RBPJ: variants seen among roughly 807,000 people sequenced by gnomAD.
RBPJ encodes the protein recombination signal binding protein for immunoglobulin kappa J region.
In RBPJ, 9 loss-of-function variants were observed where a neutral mutation model predicts 67.8. The ratio of observed to expected loss-of-function variants is 0.13; its 90% confidence interval spans 0.08 to 0.23. RBPJ has a LOEUF of 0.23. RBPJ is among the 10% of genes least tolerant of loss of function. The probability of loss-of-function intolerance (pLI) is 1.00; values close to 1 mark genes in which losing one functional copy is unlikely to be tolerated. For synonymous variants in RBPJ, 198 were observed against 203.3 expected (o/e 0.97, Z 0.22); for missense variants, 305 against 595.6 (o/e 0.51, Z 5.08).
chr4:26,390,469 T>A (rs1183531859), intron 2 of RBPJ, among the ~76,000 whole-genome samples: 3 of 152,222 alleles, frequency 2.0e-5, no homozygotes, highest in African/African-American at 7.2e-5. Flanking sequence ...TATTTGCAGA[T>A]ATCATGATCA....
intron 1 of RBPJ, among the ~76,000 whole-genome samples, chr4:26,244,093 C>G (rs1223762654): frequency 6.7e-6 from 1 of 148,268 alleles, no homozygotes; most frequent in Non-Finnish European, 1.5e-5. Flanking sequence ...GAGTGAGACC[C>G]TGTCTCAAAA....
intron 1 of RBPJ, among the ~76,000 whole-genome samples, chr4:26,228,170 G>T (rs954009249): frequency 6.6e-6 from 1 of 152,194 alleles, no homozygotes; most frequent in African/African-American, 2.4e-5. Flanking sequence ...TGCCACAGGG[G>T]TTTATTTGTT....
chr4:26,387,567 T>G (rs1033687594), intron 2 of RBPJ, among the ~76,000 whole-genome samples: 2 of 152,134 alleles, frequency 1.3e-5, no homozygotes, highest in Non-Finnish European at 2.9e-5. Context: ...GAAGGATAAG[T>G]GATTCCTGAG....
At chr4:26,270,407 A>AAGAAAGAAAGAAAGAAAGAAAGAAAG (rs1560237854) in intron 1 of RBPJ, among the ~76,000 whole-genome samples, 3 of 62,182 alleles carry the variant, frequency 4.8e-5, no homozygotes, top group African/African-American at 1.3e-4. Context: ...GAAAGAAAGA[A>AAGAAAGAAAGAAAGAAAGAAAGAAAG]AGAAAGAAAG....
the RBPJ span, among the ~76,000 whole-genome samples, chr4:26,114,287 C>T: frequency 7.2e-5 from 11 of 151,892 alleles, no homozygotes; most frequent in Non-Finnish European, 1.0e-4. Context: ...GGCGAAACCC[C>T]GTTTCTACTA....
chr4:26,215,795 C>T (rs1419888846), intron 1 of RBPJ, among the ~76,000 whole-genome samples: 2 of 152,082 alleles, frequency 1.3e-5, no homozygotes, highest in African/African-American at 4.8e-5. Context: ...GTTCATCTCC[C>T]CACTCCCGCC....
chr4:26,261,853 AG>A (rs1720550141), intron 1 of RBPJ, among the ~76,000 whole-genome samples: 1 of 152,266 alleles, frequency 6.6e-6, no homozygotes, highest in Non-Finnish European at 1.5e-5. Context: ...ATCATAAAAA[AG>A]GTTCTCAGCC....
intron 1 of RBPJ, among the ~76,000 whole-genome samples, chr4:26,169,058 T>C (rs1716442514): frequency 6.6e-6 from 1 of 152,264 alleles, no homozygotes; most frequent in Non-Finnish European, 1.5e-5. Context: ...TCTGAAGCTT[T>C]CTTCTCTCAA....
rs185005559 is a variant in RBPJ, at chr4:26,351,375, G to T, written c.20+30327G>T. Among the ~76,000 whole-genome samples, 26 of 151,710 alleles carry T rather than the reference G, an allele frequency of 1.7e-4. 1 individual carries two copies. Among genetic ancestry groups the T allele is most frequent in the African/African-American group, 5.8e-4 (24 of 41,036 alleles). On this transcript the variant is annotated intron_variant, in intron 1 of 10. Transcript: ENST00000355476. ...TTAGGTCTCCAGGCATCACTTGAGA[G>T]AATTTTTCTGAGAATGCTTTGTTTA...
At chr4:26,254,159 G>C (rs745898646) in intron 1 of RBPJ, among the ~76,000 whole-genome samples, 6 of 148,922 alleles carry the variant, frequency 4.0e-5, no homozygotes, top group Non-Finnish European at 8.8e-5. Context: ...TAGCATCCCA[G>C]CTGGTCTCCT....
intron 1 of RBPJ, among the ~76,000 whole-genome samples, chr4:26,382,976 C>T (rs1315090389): frequency 6.6e-6 from 1 of 152,164 alleles, no homozygotes; most frequent in African/African-American, 2.4e-5. Flanking sequence ...ATTGCATATG[C>T]ATTAGAAAGA....
chr4:26,365,703 G>C (rs1425411418), intron 1 of RBPJ, among the ~76,000 whole-genome samples: 1 of 152,158 alleles, frequency 6.6e-6, no homozygotes, highest in African/African-American at 2.4e-5. Context: ...TGCCTTCTGA[G>C]AGGAAGTGAC....
intron 1 of RBPJ, among the ~76,000 whole-genome samples, chr4:26,241,605 G>A (rs545052962): frequency 2.5e-4 from 38 of 151,928 alleles, no homozygotes; most frequent in African/African-American, 8.7e-4. Flanking sequence ...TCTGCCTCCC[G>A]GGTTCATGCC....
At chr4:26,155,866 AT>A in the RBPJ span, among the ~76,000 whole-genome samples, 1 of 152,080 alleles carries the variant, frequency 6.6e-6, no homozygotes, top group African/African-American at 2.4e-5. Flanking sequence ...GCAGTTTGAA[AT>A]TTTCTCTCCA....
upstream of RBPJ, among the ~76,000 whole-genome samples, chr4:26,319,479 C>A (rs1419262012): frequency 6.6e-6 from 1 of 151,214 alleles, no homozygotes; most frequent in Non-Finnish European, 1.5e-5. Flanking sequence ...CCACCCCGCC[C>A]GCGCCCGCCG....
At chr4:26,249,618 G>A (rs1299654988) in intron 1 of RBPJ, among the ~76,000 whole-genome samples, 6 of 151,850 alleles carry the variant, frequency 4.0e-5, no homozygotes, top group Non-Finnish European at 7.4e-5. Flanking sequence ...CCGAGATCCC[G>A]CCACTGCACT....
intron 1 of RBPJ, among the ~76,000 whole-genome samples, chr4:26,265,464 G>T (rs1720673150): frequency 6.6e-6 from 1 of 151,582 alleles, no homozygotes; most frequent in Non-Finnish European, 1.5e-5. Flanking sequence ...AGGAGGAAGA[G>T]ATTTCAGTGG....
chr4:26,315,184 ATATATATATGTATG>A (rs1243864388), upstream of RBPJ, among the ~76,000 whole-genome samples: 7 of 123,324 alleles, frequency 5.7e-5, no homozygotes, highest in Admixed American at 4.9e-4. Context: ...ATATATATAT[ATATATATATGTATG>A]TATATACTGG....
chr4:26,175,713 G>A (rs1296488891), intron 1 of RBPJ, among the ~76,000 whole-genome samples: 1 of 152,186 alleles, frequency 6.6e-6, no homozygotes, highest in African/African-American at 2.4e-5. Context: ...CAAACACAGC[G>A]TATTCAAGCA....
Sources: gnomAD v4.1 joint callset for allele counts (sites outside exome capture counted in the v4.1 genomes callset) on GRCh38, gnomAD v4.1.1 for gene constraint, MANE v1.5 for transcripts, NCBI Gene and HGNC (gene_info 2026-07-23, HGNC 2026-07-21) for gene names.